Variants in RUNX1T1 observed in about 807,000 individuals in gnomAD.
RUNX1T1 encodes protein CBFA2T1.
A neutral mutation model predicts 62.8 loss-of-function variants in RUNX1T1; 4 were observed. The ratio of observed to expected loss-of-function variants is 0.06; its 90% CI spans 0.03 to 0.15. RUNX1T1 has a LOEUF of 0.15. Ranked by LOEUF, RUNX1T1 falls within the 10% of genes least tolerant of loss-of-function variation. The pLI is 1.00. For synonymous variants in RUNX1T1, 291 were observed against 286.0 expected (o/e 1.02, Z -0.18); for missense variants, 508 against 754.3 (o/e 0.67, Z 3.82).
At chr8:91,962,318 A>G (rs1186296007) in intron 10 of RUNX1T1, among the ~76,000 whole-genome samples, 3 of 152,072 alleles carry the variant, frequency 2.0e-5, no homozygotes, top group Non-Finnish European at 4.4e-5. Flanking sequence ...AAACAAAAAC[A>G]AAACAAAAAC....
At chr8:91,982,940 T>G (rs75637271) in intron 8 of RUNX1T1, among the ~76,000 whole-genome samples, 3 of 143,684 alleles carry the variant, frequency 2.1e-5, no homozygotes, top group African/African-American at 7.8e-5. Flanking sequence ...TTTTTTTTTT[T>G]TTTTGGAGAC....
chr8:92,057,743 C>T (rs1404578429), intron 1 of RUNX1T1, among the ~76,000 whole-genome samples: 1 of 152,156 alleles, frequency 6.6e-6, no homozygotes, highest in Non-Finnish European at 1.5e-5. Flanking sequence ...AAACCTGTTT[C>T]TTGGTCAGGT....
chr8:92,049,081 T>C (rs1263743478), intron 1 of RUNX1T1, among the ~76,000 whole-genome samples: 1 of 148,994 alleles, frequency 6.7e-6, no homozygotes, highest in Non-Finnish European at 1.5e-5. Flanking sequence ...TTTCTTTCCC[T>C]CTCTTTCTAG....
chr8:91,998,311 T>C (rs1177071593), intron 5 of RUNX1T1, among the ~76,000 whole-genome samples: 2 of 152,142 alleles, frequency 1.3e-5, no homozygotes, highest in Non-Finnish European at 2.9e-5. Flanking sequence ...CAACCTGCAG[T>C]GGTTTCTCTG....
chr8:91,959,920 C>T (rs1041486451), exon 11 of RUNX1T1: 8 of 388,690 alleles, frequency 2.1e-5, no homozygotes, highest in Non-Finnish European at 3.8e-5. Context: ...ATGAGGTCAT[C>T]TAGTTTAAAA....
intron 8 of RUNX1T1, among the ~76,000 whole-genome samples, chr8:91,982,537 T>C (rs1444881369): frequency 1.3e-5 from 2 of 152,182 alleles, no homozygotes; most frequent in Non-Finnish European, 2.9e-5. Context: ...CATATAAAAG[T>C]AATTCTACTT....
chr8:92,060,250 C>CTG (rs944895129), intron 1 of RUNX1T1, among the ~76,000 whole-genome samples: 1 of 151,794 alleles, frequency 6.6e-6, no homozygotes, highest in Non-Finnish European at 1.5e-5. Context: ...TTAAAGCATC[C>CTG]TTAGCCTCTT....
At chr8:92,043,716 C>T (rs1377672253) in intron 1 of RUNX1T1, among the ~76,000 whole-genome samples, 1 of 152,022 alleles carries the variant, frequency 6.6e-6, no homozygotes, top group African/African-American at 2.4e-5. Flanking sequence ...GTGGCTCACA[C>T]CTGTAATCCC....
chr8:92,073,193 G>A (rs76426661), intron 2 of RUNX1T1, among the ~76,000 whole-genome samples: 1 of 152,108 alleles, frequency 6.6e-6, no homozygotes, highest in Non-Finnish European at 1.5e-5. Context: ...AATCTGTCTG[G>A]TCCCTACAAT....
chr8:91,999,475 TC>T lies in RUNX1T1; in HGVS notation c.659+5640del, dbSNP rs1264377195. On this transcript the variant is annotated intron_variant, in intron 5 of 10. Coordinates refer to ENST00000396218, the Ensembl canonical transcript of RUNX1T1. ...AAAGAACCTAACATGAATTTGGCAT[TC>T]AATAAGTTAATCAAAGCATTTTGTT... Among the ~76,000 whole-genome samples, 3 of 152,132 alleles carry T rather than the reference TC, an allele frequency of 2.0e-5. No homozygotes were observed. In the East Asian group the frequency reaches 5.8e-4, roughly 29 times the overall value.
At chr8:92,037,082 A>G (rs1827565205) in intron 1 of RUNX1T1, among the ~76,000 whole-genome samples, 1 of 152,206 alleles carries the variant, frequency 6.6e-6, no homozygotes, top group Non-Finnish European at 1.5e-5. Context: ...TCATCGCCTC[A>G]TGAAATAAAA....
chr8:91,968,365 C>T (rs1409468684), intron 10 of RUNX1T1, among the ~76,000 whole-genome samples: 1 of 152,192 alleles, frequency 6.6e-6, no homozygotes, highest in East Asian at 1.9e-4. Flanking sequence ...TTGCCCTGCA[C>T]CCTAGGTTAC....
intron 1 of RUNX1T1, among the ~76,000 whole-genome samples, chr8:92,021,710 A>T (rs1274762648): frequency 6.6e-6 from 1 of 151,998 alleles, no homozygotes; most frequent in Non-Finnish European, 1.5e-5. Context: ...GTGAAATTGA[A>T]TGAGATTGCA....
chr8:91,982,063 G>A (rs546185571), intron 8 of RUNX1T1, among the ~76,000 whole-genome samples: 2 of 151,416 alleles, frequency 1.3e-5, no homozygotes, highest in East Asian at 2.0e-4. Context: ...TGGGCAATAC[G>A]GCAAAACCCC....
Position 92,017,312 on chromosome 8 carries a change from G to A in RUNX1T1, c.59C>T (p.Thr20Met), listed in dbSNP as rs765668395. The A allele has an allele frequency of 9.9e-6, 16 of 1,613,882 alleles. No individual in the cohort carries two copies. The highest frequency in any genetic ancestry group is 5.0e-5 in the Admixed American group (3 of 60,004). Residue 20 changes from threonine (T) to methionine (M), a missense_variant, in exon 2 of 11, where the codon ACG (threonine) becomes ATG (methionine). Transcript: ENST00000396218. ...TGTTGGAGGAGTCAGCCTAGATTGC[G>A]TCTTCACATCCACAGGTGAGTCTGG...
At chr8:91,956,486 G>C (rs992447640), downstream of RUNX1T1, 8 of 226,274 alleles carry the variant, frequency 3.5e-5, no homozygotes, top group African/African-American at 1.8e-4. Context: ...GGACGAGGGA[G>C]ACAGAGGATC....
At chr8:91,955,609 G>C (rs939352592), downstream of RUNX1T1, 3 of 226,420 alleles carry the variant, frequency 1.3e-5, no homozygotes, top group Admixed American at 5.7e-5. Flanking sequence ...AAGGAAACTA[G>C]AGGGCTCCAA....
At chr8:92,020,304 T>C (rs568781050) in intron 1 of RUNX1T1, among the ~76,000 whole-genome samples, 12 of 152,318 alleles carry the variant, frequency 7.9e-5, no homozygotes, top group African/African-American at 2.9e-4. Context: ...TTTTGAAATA[T>C]ATATTCTTGA....
rs1180855061 is a variant in RUNX1T1 at position 92,075,857 on chromosome 8, A to G, written c.88+108T>C. 2.9e-6 allele frequency: 3 copies of G among 1,017,336 alleles called. No homozygotes were observed. The African/African-American group carries it at 4.9e-5, about 17-fold the overall frequency. 63.0% of individuals were successfully genotyped at this position (1,017,336 alleles called of 1,614,324 possible). A position where few individuals can be genotyped will look rare whatever the true frequency, so the allele number is the denominator to read the frequency against. On this transcript the variant is annotated intron_variant, in intron 2 of 11. Coordinates refer to the RUNX1T1 transcript ENST00000265814. The stretch of plus-strand genomic sequence containing the variant: ...CATACAATAGAACAGGCACTAGAAG[A>G]AGGAAGAAAAAAGAAAATCTTTACA...
Sources: allele counts gnomAD v4.1 joint callset (sites outside exome capture counted in the v4.1 genomes callset), GRCh38; gene constraint gnomAD v4.1.1; transcripts MANE v1.5; gene names NCBI Gene and HGNC (gene_info 2026-07-23, HGNC 2026-07-21).